Variants in MUC6 observed in about 807,000 individuals in gnomAD.
MUC6 encodes the protein mucin 6, oligomeric mucus/gel-forming (gene/pseudogene).
A neutral mutation model predicts 201.5 loss-of-function variants in MUC6; 188 were observed. The observed-to-expected ratio is 0.93, with a 90% CI of 0.83 to 1.05. The LOEUF (loss-of-function observed/expected upper bound fraction) is 1.05, where lower values mean the gene tolerates loss of function less well. Ranked by LOEUF, MUC6 falls within the 50% of genes least tolerant of loss-of-function variation. The pLI, the probability that MUC6 is intolerant of heterozygous loss-of-function variation, is 0.00. For missense variants in MUC6, 2,706 were observed against 3,256.9 expected (o/e 0.83, Z 4.12); for synonymous variants, 1,228 against 1,389.4 (o/e 0.88, Z 2.58).
rs547374772 is a variant in MUC6, at chr11:1,030,349, C to A, written c.893-14G>T. ...ACTGACCCACGGCTGTGGGCACACG[C>A]GGCTCCGGTGAGAGGGTCCCACCCC... On this transcript the variant is annotated splice_polypyrimidine_tract_variant and intron_variant, in intron 7 of 32. Transcript: ENST00000421673. 2 of 1,546,240 alleles carry A rather than the reference C, an allele frequency of 1.3e-6. No individual in the cohort carries two copies. Among genetic ancestry groups the A allele is most frequent in the Non-Finnish European group, 1.7e-6 (2 of 1,146,062 alleles).
chr11:1,027,798 C>A lies in MUC6; in HGVS notation c.1868G>T (p.Cys623Phe), dbSNP rs776550046. ...GTGGGGAAAGGTCTCCTCGTAGTTG[C>A]AGGCCTGGTACACGCACCTCTGCGG... The part of the protein sequence containing the change: ...PFYKRCVYQA[C>F]NYEETFPHIC... Residue 623 changes from cysteine (C) to phenylalanine (F), a missense_variant, in exon 16 of 33, where the codon TGC becomes TTC. By Grantham distance (205) the Cys-to-Phe change is radical (BLOSUM62 -2). Transcript: ENST00000421673. 1.9e-6 allele frequency: 3 copies of A among 1,611,034 alleles called. No homozygotes were observed. The highest frequency in any genetic ancestry group is 2.5e-6 in the Non-Finnish European group (3 of 1,179,490).
chr11:1,019,765 C>T (rs1343366986), intron 29 of MUC6: 1 of 615,714 alleles, frequency 1.6e-6, no homozygotes, highest in Admixed American at 2.9e-5. Context: ...TCGTCCTGTC[C>T]CCTCCAGGGT....
At chr11:1,030,901 C>T (rs1236044243) in intron 6 of MUC6, 46 bp downstream of exon 6, 1 of 1,539,462 alleles carries the variant, frequency 6.5e-7, no homozygotes, top group Non-Finnish European at 8.8e-7. Context: ...GTCTCGGCGA[C>T]CCTGTCAGAC....
chr11:1,021,887 C>T (rs1856816797), intron 26 of MUC6, among the ~76,000 whole-genome samples: 1 of 152,054 alleles, frequency 6.6e-6, no homozygotes, highest in African/African-American at 2.4e-5. Flanking sequence ...CTCCAGACAC[C>T]ACCCTCCTCC....
chr11:1,031,787 C>T, intron 3 of MUC6, 26 bp downstream of exon 3: 2 of 1,565,612 alleles, frequency 1.3e-6, no homozygotes, highest in East Asian at 2.4e-5. Context: ...CCCCCGAGCC[C>T]CCGGGCCCCG....
chr11:1,036,454 G>A (rs116996199), intron 1 of MUC6, 150 bp downstream of exon 1: 111,861 of 892,138 alleles, frequency 0.13, 8,776 homozygotes, highest in Non-Finnish European at 0.16. Context: ...CCTGGCAGCG[G>A]GGGCTGGTCA....
intron 28 of MUC6, 36 bp from the exon 29 acceptor site, chr11:1,020,293 A>G (rs1368689264): frequency 6.4e-7 from 1 of 1,574,116 alleles, no homozygotes; most frequent in South Asian, 1.2e-5. Context: ...GCTGCAGGGT[A>G]CCGGCATATC....
chr11:1,016,345 G>A lies in MUC6; in HGVS notation c.6456C>T (p.Pro2152=). 6.2e-7 allele frequency: 1 copy of A among 1,611,586 alleles called. No individual in the cohort carries two copies. The highest frequency in any genetic ancestry group is 1.1e-5 in the South Asian group (1 of 90,802). The part of the protein sequence containing the change: ...SSYVPSSHSS[P]QTSSPSVGTS... ...TGCCAACAGAAGGCGATGAAGTCTG[G>A]GGAGAGGAGTGGGAGGAGGGCACAT... Residue 2152 remains proline, a synonymous_variant, in exon 31 of 33, where the codon CCC becomes CCT. Coordinates refer to ENST00000421673, the MANE Select transcript of MUC6 (RefSeq NM_005961.3).
In MUC6 at chr11:1,029,481, G is replaced by A. The variant is rs1370092422; in HGVS notation, c.1136+14C>T. ...CTGCCGGCCGGCCAGAGCCCCCTCC[G>A]GCGCCTCACTCACCAGGTTTGGCAG... On this transcript the variant is annotated intron_variant, in intron 9 of 32. Coordinates refer to ENST00000421673, the MANE Select transcript of MUC6 (RefSeq NM_005961.3). 3.7e-6 allele frequency: 6 copies of A among 1,611,262 alleles called. No individual in the cohort carries two copies. The highest frequency in any genetic ancestry group is 4.5e-5 in the East Asian group (2 of 44,844).
chr11:1,018,801 T>C (rs779386496), intron 30 of MUC6, 31 bp from the exon 31 acceptor site: 6 of 1,533,016 alleles, frequency 3.9e-6, no homozygotes, highest in Non-Finnish European at 2.6e-6. Context: ...GTCATCGTTA[T>C]TGTTTTTGTT....
Position 1,036,681 on chromosome 11 carries a change from C to T in MUC6, c.-26G>A. On this transcript the variant is annotated 5_prime_UTR_variant, in exon 1 of 33. Coordinates refer to ENST00000421673, the MANE Select transcript of MUC6 (RefSeq NM_005961.3). ...GGTGCACAGTGGAGAGGAGCTCGCG[C>T]TGGGCCCGGCAGGCCTGCTGCTGCC... is the stretch of plus-strand genomic sequence containing the variant. 6 of 1,543,594 alleles carry T rather than the reference C, an allele frequency of 3.9e-6. No individual in the cohort carries two copies. The highest frequency in any genetic ancestry group is 5.2e-6 in the Non-Finnish European group (6 of 1,145,830).
chr11:1,021,264 G>T lies in MUC6; in HGVS notation c.3540C>A (p.Cys1180Ter). ...CGTGGTCGAAGTACTCATCCTGGGAGCAGTTGTAGCAGCCTAGGGTGGAGA... is the reference window on the plus strand; with the variant it reads ...CGTGGTCGAAGTACTCATCCTGGGATCAGTTGTAGCAGCCTAGGGTGGAGA... ...PGSNIEGCYN[C>*]SQDEYFDHEE... is the part of the protein sequence containing the mutation. Residue 1180 changes from cysteine (C) to a stop codon, truncating the protein, a stop_gained, in exon 27 of 33, where the codon TGC becomes TGA. Coordinates refer to ENST00000421673, the MANE Select transcript of MUC6 (RefSeq NM_005961.3). LOFTEE classifies it high-confidence loss of function. The T allele has an allele frequency of 6.3e-7, 1 of 1,584,748 alleles. No individual in the cohort carries two copies. Among genetic ancestry groups the T allele is most frequent in the Non-Finnish European group, 8.6e-7 (1 of 1,166,336 alleles).
chr11:1,026,603 G>A, intron 19 of MUC6, 125 bp from the exon 20 acceptor site: 1 of 1,192,874 alleles, frequency 8.4e-7, no homozygotes, highest in Non-Finnish European at 1.1e-6. Context: ...GCCCTGCTCT[G>A]TGGCCTTTGT....
Position 1,029,379 on chromosome 11 carries a change from G to A in MUC6, c.1137-13C>T, listed in dbSNP as rs371304418. 79 of 1,594,288 alleles carry A rather than the reference G, an allele frequency of 5.0e-5. No homozygotes were observed. The East Asian group carries it at 7.7e-4, about 16-fold the overall frequency. ...CAGGGTGCACCGGCTGTGGGTGGGC[G>A]TGGGGGTAGCGGCATGGTGGGCAGG... On this transcript the variant is annotated splice_polypyrimidine_tract_variant and intron_variant, in intron 9 of 32. Transcript: ENST00000421673.
At position 1,016,163 on chromosome 11, in the gene MUC6, G is replaced by A. The variant is rs374599769; in HGVS notation, c.6638C>T (p.Pro2213Leu). The part of the protein sequence containing the change: ...AASTTIRATL[P>L]HTISSPFTLS... ...GGTGAAAGGAGAGGAGATAGTGTGG[G>A]GGAGAGTGGCCCTAATGGTAGTAGA... The change falls in exon 31 of 33, where the codon CCC becomes CTC. Residue 2213 changes from proline to leucine, a missense_variant. Pro to Leu is a moderately conservative substitution (Grantham distance 98, BLOSUM62 -3). Transcript: ENST00000421673. 1.0e-4 allele frequency: 166 copies of A among 1,613,464 alleles called. No individual in the cohort carries two copies. Among genetic ancestry groups the A allele is most frequent in the Non-Finnish European group, 1.3e-4 (154 of 1,179,786 alleles).
chr11:1,029,298 C>G lies in MUC6; in HGVS notation c.1205G>C (p.Gly402Ala). Residue 402 changes from glycine to alanine, a missense_variant, in exon 10 of 33, where the codon GGC (glycine) becomes GCC (alanine). Gly to Ala is a moderately conservative substitution (Grantham distance 60). This residue lies in a region of MUC6 where 1,850 missense variants were observed against 1,958.3 expected (regional missense o/e 0.94). Coordinates refer to ENST00000421673, the MANE Select transcript of MUC6 (RefSeq NM_005961.3). Reference protein sequence around the residue: ...PCPGHCSLEGGSFVTTFDARP... With the variant: ...PCPGHCSLEGASFVTTFDARP... ...GGCGTCAAATGTGGTAACAAAGGAGCCACCTTCCAGGGAGCAGTGTCCGGG... is the reference window on the plus strand; with the variant it reads ...GGCGTCAAATGTGGTAACAAAGGAGGCACCTTCCAGGGAGCAGTGTCCGGG... 1 of 1,606,366 alleles carries G rather than the reference C, an allele frequency of 6.2e-7. No homozygotes were observed. Among genetic ancestry groups the G allele is most frequent in the Non-Finnish European group, 8.5e-7 (1 of 1,177,416 alleles).
At chr11:1,031,123 C>A (rs762415551) in intron 5 of MUC6, 46 bp downstream of exon 5, 9 of 1,329,962 alleles carry the variant, frequency 6.8e-6, no homozygotes, top group Admixed American at 5.5e-5. Context: ...CCCTGCCCCC[C>A]ACCTAGAGGC....
At position 1,016,036 on chromosome 11, in the gene MUC6, C is replaced by G; in HGVS notation, c.6765G>C (p.Thr2255=). The G allele has an allele frequency of 6.2e-7, 1 of 1,609,274 alleles. No homozygotes were observed. Among genetic ancestry groups the G allele is most frequent in the South Asian group, 1.1e-5 (1 of 90,502 alleles). ...TIAFPSTPRT[T]ASTHTAPAFS... is the part of the protein sequence containing the mutation. ...AGGCAGGGGCGGTGTGGGTGCTGGC[C>G]GTGGTCCTGGGCGTGGACGGAAATG... The change falls in exon 31 of 33, where the codon ACG becomes ACC. Residue 2255 remains threonine, a synonymous_variant. Transcript: ENST00000421673.
In MUC6 at chr11:1,024,086, G is replaced by T. The variant is rs768231016; in HGVS notation, c.3243C>A (p.Tyr1081Ter). 1 of 1,612,794 alleles carries T rather than the reference G, an allele frequency of 6.2e-7. No homozygotes were observed. Among genetic ancestry groups the T allele is most frequent in the South Asian group, 1.1e-5 (1 of 91,056 alleles). Residue 1081 changes from tyrosine (Y) to a stop codon, truncating the protein, a stop_gained, in exon 25 of 33, where the codon TAC becomes TAA. Transcript: ENST00000421673. LOFTEE classifies it high-confidence loss of function. The part of the protein sequence containing the change: ...TCHSKVYHLP[Y>*]YEACVRDACG... ...ATGCGTCGCGCACGCAGGCCTCGTA[G>T]TAGGGCAGGTGGTATACCTGCAGGG...
Sources: gnomAD v4.1 joint callset for allele counts (sites outside exome capture counted in the v4.1 genomes callset) on GRCh38, gnomAD v4.1.1 for gene constraint, gnomAD v4.1.1 regional missense constraint, MANE v1.5 for transcripts, NCBI Gene and HGNC (gene_info 2026-07-23, HGNC 2026-07-21) for gene names.